PIK3R4: variants seen among roughly 807,000 people sequenced by gnomAD.
The protein encoded by PIK3R4 is phosphoinositide 3-kinase regulatory subunit 4.
A neutral mutation model predicts 136.5 loss-of-function variants in PIK3R4; 46 were observed. That is an observed-to-expected ratio of 0.34 (90% confidence interval 0.27 to 0.43). The LOEUF is 0.43. Ranked by LOEUF, PIK3R4 falls within the 20% of genes least tolerant of loss-of-function variation. The probability of loss-of-function intolerance (pLI) is 1.00; values close to 1 mark genes in which losing one functional copy is unlikely to be tolerated. For synonymous variants in PIK3R4, 557 were observed against 566.7 expected, an observed-to-expected ratio of 0.98 and a Z score of 0.24; for missense variants, 1,331 against 1,649.5, an observed-to-expected ratio of 0.81 and a Z score of 3.35.
chr3:130,692,276 C>A (rs113759852), intron 13 of PIK3R4, among the ~76,000 whole-genome samples: 2,333 of 152,190 alleles, frequency 0.015, 86 homozygotes, highest in African/African-American at 0.052. Context: ...CAGAATTCTG[C>A]AAAGATCACC....
In PIK3R4 at chr3:130,681,079, G is replaced by A; in HGVS notation, c.3709-14C>T. The A allele has an allele frequency of 7.2e-7, 1 of 1,384,470 alleles. No homozygotes were observed. The highest frequency in any genetic ancestry group is 1.8e-4 in the Middle Eastern group (1 of 5,648). 85.8% of individuals were successfully genotyped at this position (1,384,470 alleles called of 1,614,324 possible). A position where few individuals can be genotyped will look rare whatever the true frequency, so the allele number is the denominator to read the frequency against. On this transcript the variant is annotated splice_polypyrimidine_tract_variant and intron_variant, in intron 17 of 19. Coordinates refer to ENST00000356763, the MANE Select transcript of PIK3R4 (RefSeq NM_014602.3). ...ATGAGGAGAAGGCTTAAAAGAAATA[G>A]ATGTGGAGTCAAATAAAAGACATCC...
intron 13 of PIK3R4, among the ~76,000 whole-genome samples, chr3:130,701,396 C>T (rs1435921385): frequency 6.6e-6 from 1 of 151,844 alleles, no homozygotes; most frequent in African/African-American, 2.4e-5. Flanking sequence ...CCTGTAGTCC[C>T]AGCTACTTTG....
intron 14 of PIK3R4, among the ~76,000 whole-genome samples, chr3:130,689,370 A>C (rs2066504455): frequency 6.6e-6 from 1 of 152,210 alleles, no homozygotes; most frequent in Non-Finnish European, 1.5e-5. Context: ...AATTTACATG[A>C]AACTCAATAG....
intron 7 of PIK3R4, 34 bp downstream of exon 7, chr3:130,723,380 A>C (rs932466549): frequency 1.9e-6 from 3 of 1,556,348 alleles, no homozygotes; most frequent in Non-Finnish European, 2.6e-6. Flanking sequence ...AAGTTCTTCC[A>C]ATCTCATTCT....
At chr3:130,685,441 A>G (rs1370375811) in intron 15 of PIK3R4, among the ~76,000 whole-genome samples, 2 of 152,194 alleles carry the variant, frequency 1.3e-5, no homozygotes, top group East Asian at 3.8e-4. Flanking sequence ...TCTTGGGTAT[A>G]TATATGCCTG....
intron 13 of PIK3R4, among the ~76,000 whole-genome samples, chr3:130,695,686 A>G (rs2066542045): frequency 6.6e-6 from 1 of 152,144 alleles, no homozygotes; most frequent in Non-Finnish European, 1.5e-5. Context: ...ATTAAAATAT[A>G]TTATTGTAAC....
In PIK3R4 at chr3:130,705,624, C is replaced by T; in HGVS notation, c.2869G>A (p.Ala957Thr). ...LIQQKREQCN[A>T]ERIAKQMMEN... ...ATCATCTGCTTAGCTATTCTCTCAG[C>T]ATTGCACTGCTCCCGCTTTTGCTGG... is the stretch of plus-strand genomic sequence containing the variant. Residue 957 changes from alanine to threonine, a missense_variant, in exon 12 of 20, where the codon GCT (alanine) becomes ACT (threonine). Ala to Thr is a moderately conservative substitution (Grantham distance 58, BLOSUM62 0). Coordinates refer to ENST00000356763, the MANE Select transcript of PIK3R4 (RefSeq NM_014602.3). 6.2e-7 allele frequency: 1 copy of T among 1,613,974 alleles called. No individual in the cohort carries two copies. Among genetic ancestry groups the T allele is most frequent in the Non-Finnish European group, 8.5e-7 (1 of 1,179,842 alleles).
At chr3:130,694,127 G>T (rs1478796427) in intron 13 of PIK3R4, among the ~76,000 whole-genome samples, 1 of 151,976 alleles carries the variant, frequency 6.6e-6, no homozygotes, top group Middle Eastern at 3.2e-3. Context: ...ACATAGACAT[G>T]ATCTATATGT....
At chr3:130,716,674 T>C in intron 8 of PIK3R4, 75 bp from the exon 9 acceptor site, 1 of 856,936 alleles carries the variant, frequency 1.2e-6, no homozygotes, top group Non-Finnish European at 1.8e-6. Context: ...TAAATACAAC[T>C]TGAGAAAAGT....
chr3:130,720,296 A>C (rs1048134397), intron 7 of PIK3R4, among the ~76,000 whole-genome samples: 1 of 152,074 alleles, frequency 6.6e-6, no homozygotes, highest in African/African-American at 2.4e-5. Context: ...CCTGGATTCA[A>C]GCAACTCTCC....
chr3:130,739,348 T>C (rs1236274346), intron 2 of PIK3R4, among the ~76,000 whole-genome samples: 1 of 152,202 alleles, frequency 6.6e-6, no homozygotes, highest in East Asian at 1.9e-4. Context: ...AGTGCTGGGA[T>C]TACAGGCGTG....
At chr3:130,679,561 C>A in intron 19 of PIK3R4, 76 bp from the exon 20 acceptor site, 1 of 939,882 alleles carries the variant, frequency 1.1e-6, no homozygotes, top group Non-Finnish European at 1.6e-6. Flanking sequence ...AGTAGTCCTG[C>A]TTCTGAGATA....
Position 130,728,645 on chromosome 3 carries a change from A to G in PIK3R4, c.1625T>C (p.Val542Ala). The G allele has an allele frequency of 6.2e-7, 1 of 1,610,064 alleles. No individual in the cohort carries two copies. The stretch of plus-strand genomic sequence containing the variant: ...ATTTTCAGGGTCACTTAGCAAAGTA[A>G]CAACTTTCTGCTGGACCATTTCATG... ...ALHEMVQQKV[V>A]TLLSDPENIV... Residue 542 changes from valine (V) to alanine (A), a missense_variant, in exon 6 of 20, where the codon GTT becomes GCT. Val to Ala is a moderately conservative substitution (Grantham distance 64). Around this residue, in one of 2 missense-constraint regions of PIK3R4, gnomAD observed 1,180 missense variants for 1,407.0 expected, o/e 0.84. Coordinates refer to ENST00000356763, the MANE Select transcript of PIK3R4 (RefSeq NM_014602.3).
chr3:130,744,339 G>A (rs1456276056), intron 2 of PIK3R4, 147 bp downstream of exon 2: 2 of 806,296 alleles, frequency 2.5e-6, no homozygotes, highest in Non-Finnish European at 3.9e-6. Context: ...ATCCAATGCA[G>A]GAATGCTGCC....
chr3:130,743,245 C>A (rs1038255848), intron 2 of PIK3R4, among the ~76,000 whole-genome samples: 2 of 150,920 alleles, frequency 1.3e-5, no homozygotes, highest in Non-Finnish European at 2.9e-5. Context: ...ATAGTCTCTA[C>A]CAAAAATGTT....
intron 2 of PIK3R4, among the ~76,000 whole-genome samples, chr3:130,740,583 C>A (rs1446143075): frequency 3.3e-5 from 5 of 151,646 alleles, no homozygotes; most frequent in African/African-American, 9.7e-5. Context: ...ACTAAAAATA[C>A]AAAAAAATTA....
chr3:130,727,334 C>T (rs2066737762), intron 6 of PIK3R4, among the ~76,000 whole-genome samples: 1 of 143,656 alleles, frequency 7.0e-6, no homozygotes, highest in South Asian at 2.5e-4. Context: ...CATTCTCCTG[C>T]CTCAGCCCCC....
chr3:130,688,863 T>C (rs916739669), intron 14 of PIK3R4, among the ~76,000 whole-genome samples: 4 of 152,218 alleles, frequency 2.6e-5, no homozygotes, highest in Admixed American at 1.3e-4. Context: ...CTGTTGAATA[T>C]TATTTTTATT....
intron 13 of PIK3R4, 65 bp downstream of exon 13, chr3:130,703,658 T>C: frequency 8.0e-7 from 1 of 1,247,126 alleles, no homozygotes; most frequent in Non-Finnish European, 1.2e-6. Flanking sequence ...TATTATAGAG[T>C]AAACACTCAA....
Sources: allele counts gnomAD v4.1 joint callset (sites outside exome capture counted in the v4.1 genomes callset), GRCh38; gene constraint gnomAD v4.1.1; regional missense constraint gnomAD v4.1.1; transcripts MANE v1.5; gene names NCBI Gene and HGNC (gene_info 2026-07-23, HGNC 2026-07-21).